Variants in ANO4 observed in about 807,000 individuals in gnomAD.
ANO4 encodes anoctamin 4, also known as anoctamin-4.
In ANO4, 69 loss-of-function variants were observed where a neutral mutation model predicts 141.9. That is an observed-to-expected ratio of 0.49 (90% confidence interval 0.40 to 0.59). ANO4 has a LOEUF of 0.59. Among genes scored for constraint, ANO4 ranks in the 20% least tolerant of loss-of-function variants. The pLI is 0.00. For missense variants in ANO4, 894 were observed against 1,162.2 expected (o/e 0.77, Z 3.36); for synonymous variants, 350 against 394.3 (o/e 0.89, Z 1.33).
chr12:100,822,251 A>C (rs1232034323), intron 1 of ANO4, among the ~76,000 whole-genome samples: 1 of 152,042 alleles, frequency 6.6e-6, no homozygotes, highest in Non-Finnish European at 1.5e-5. Flanking sequence ...AGCCACAGTC[A>C]GCTAGGCTGG....
At chr12:100,965,357 A>G (rs2043605983) in intron 5 of ANO4, among the ~76,000 whole-genome samples, 1 of 151,888 alleles carries the variant, frequency 6.6e-6, no homozygotes, top group South Asian at 2.1e-4. Context: ...TTCTGGTTCT[A>G]ACCACCATCT....
At chr12:100,744,059 C>G (rs1235723152) in intron 3 of ANO4, among the ~76,000 whole-genome samples, 2 of 152,192 alleles carry the variant, frequency 1.3e-5, no homozygotes, top group African/African-American at 4.8e-5. Context: ...CAATCCCCAG[C>G]TGCATACTGA....
intron 1 of ANO4, among the ~76,000 whole-genome samples, chr12:100,839,061 G>GA (rs1289610707): frequency 3.9e-5 from 6 of 152,000 alleles, no homozygotes; most frequent in Non-Finnish European, 8.8e-5. Context: ...TTATTAGTTA[G>GA]AAAACTATTT....
intron 8 of ANO4, among the ~76,000 whole-genome samples, chr12:100,990,716 T>C: frequency 6.6e-6 from 1 of 152,108 alleles, no homozygotes; most frequent in South Asian, 2.1e-4. Context: ...GGGGGAATAC[T>C]CAATTCTCCA....
chr12:100,732,936 T>A (rs879648205), intron 1 of ANO4, among the ~76,000 whole-genome samples: 5 of 152,204 alleles, frequency 3.3e-5, no homozygotes, highest in Non-Finnish European at 5.9e-5. Context: ...TTCACGGTAA[T>A]GAGGAAATTG....
At chr12:101,047,307 A>G (rs902170363) in intron 13 of ANO4, among the ~76,000 whole-genome samples, 1 of 152,094 alleles carries the variant, frequency 6.6e-6, no homozygotes, top group African/African-American at 2.4e-5. Context: ...GTCCAGTCAA[A>G]TACCGCTAGA....
At chr12:101,047,079 A>T (rs1436922143) in intron 13 of ANO4, among the ~76,000 whole-genome samples, 1 of 152,152 alleles carries the variant, frequency 6.6e-6, no homozygotes, top group Non-Finnish European at 1.5e-5. Context: ...GTGAAACCCC[A>T]TCTCTACAAA....
At position 100,936,831 on chromosome 12, in the gene ANO4, T is replaced by C. The variant is rs1389684483; in HGVS notation, c.161-2484T>C. The stretch of plus-strand genomic sequence containing the variant: ...TCAGTCACCCTGCTAATATGCACAT[T>C]GATGTAATCCTCTTCGCCACCCTGA... On this transcript the variant is annotated intron_variant, in intron 3 of 27. Transcript: ENST00000392977. 3.3e-5 allele frequency among the ~76,000 whole-genome samples: 5 copies of C among 152,306 alleles called. No individual in the cohort carries two copies. The East Asian group carries it at 9.7e-4, about 29-fold the overall frequency.
intron 17 of ANO4, among the ~76,000 whole-genome samples, chr12:101,088,383 C>T (rs1423486030): frequency 6.6e-6 from 1 of 152,070 alleles, no homozygotes; most frequent in African/African-American, 2.4e-5. Context: ...CTGACAATTT[C>T]CCATCTGCTT....
intron 1 of ANO4, among the ~76,000 whole-genome samples, chr12:100,897,194 AT>A (rs1422037674): frequency 6.6e-6 from 1 of 152,124 alleles, no homozygotes; most frequent in Non-Finnish European, 1.5e-5. Flanking sequence ...AGGAAAAGGT[AT>A]TTTTGTAATG....
chr12:101,065,739 G>A (rs1297918376), intron 14 of ANO4, among the ~76,000 whole-genome samples: 2 of 151,986 alleles, frequency 1.3e-5, no homozygotes, highest in East Asian at 3.9e-4. Context: ...GAAGAGGAGG[G>A]AATATTTCCA....
chr12:101,115,625 A>G (rs1457620954), intron 24 of ANO4, among the ~76,000 whole-genome samples: 1 of 152,218 alleles, frequency 6.6e-6, no homozygotes, highest in Non-Finnish European at 1.5e-5. Context: ...AGTTTCAAAC[A>G]TTGTTATTTC....
chr12:100,882,699 TTTTG>T (rs1411499413), intron 1 of ANO4, among the ~76,000 whole-genome samples: 1 of 152,026 alleles, frequency 6.6e-6, no homozygotes, highest in African/African-American at 2.4e-5. Flanking sequence ...TTTTTTGTTT[TTTTG>T]TTTGTTTGTT....
intron 1 of ANO4, among the ~76,000 whole-genome samples, chr12:100,889,163 G>A (rs545509572): frequency 4.0e-5 from 6 of 151,770 alleles, no homozygotes; most frequent in African/African-American, 1.2e-4. Context: ...AGTTTACTGA[G>A]AATGATGATT....
At chr12:100,843,772 A>G (rs2037404174) in intron 1 of ANO4, among the ~76,000 whole-genome samples, 1 of 152,172 alleles carries the variant, frequency 6.6e-6, no homozygotes. Context: ...ATGCTGATAG[A>G]GTGGAATGGA....
intron 8 of ANO4, among the ~76,000 whole-genome samples, chr12:100,995,822 G>A (rs2045343401): frequency 1.3e-5 from 2 of 152,224 alleles, no homozygotes; most frequent in South Asian, 4.1e-4. Context: ...GTGCCTGGGA[G>A]CAAGGGGCAC....
In ANO4 at chr12:100,798,803, A is replaced by T. The variant is rs557606880; in HGVS notation, c.-141+3776A>T. Among the ~76,000 whole-genome samples the T allele has an allele frequency of 5.3e-5, 8 of 152,344 alleles. No homozygotes were observed. The East Asian group carries it at 1.5e-3, about 29-fold the overall frequency. ...GCTCTTAAGTCTGAAGAGCGAAGAA[A>T]TGTAAAAACACATAATGACAGGTTT... On this transcript the variant is annotated intron_variant, in intron 1 of 27. Coordinates refer to ENST00000392977, the MANE Select transcript of ANO4 (RefSeq NM_001286615.2).
intron 2 of ANO4, among the ~76,000 whole-genome samples, chr12:100,738,852 A>G (rs893342037): frequency 6.6e-6 from 1 of 151,716 alleles, no homozygotes; most frequent in Non-Finnish European, 1.5e-5. Flanking sequence ...TCCAGTTCAC[A>G]CAAGATGAAG....
intron 1 of ANO4, among the ~76,000 whole-genome samples, chr12:100,720,655 A>G (rs2030823875): frequency 6.6e-6 from 1 of 152,074 alleles, no homozygotes; most frequent in South Asian, 2.1e-4. Flanking sequence ...TTTGACTCTC[A>G]ACCATTTGGA....
Sources: gnomAD v4.1 joint callset for allele counts (sites outside exome capture counted in the v4.1 genomes callset) on GRCh38, gnomAD v4.1.1 for gene constraint, MANE v1.5 for transcripts, NCBI Gene and HGNC (gene_info 2026-07-23, HGNC 2026-07-21) for gene names.